Variants in ATRNL1 observed in about 807,000 individuals in gnomAD.
The protein encoded by ATRNL1 is attractin like 1, also known as attractin-like protein 1.
In ATRNL1, 95 loss-of-function variants were observed where a neutral mutation model predicts 182.7. The observed-to-expected ratio is 0.52, with a 90% CI of 0.44 to 0.62. The LOEUF is 0.62. Ranked by LOEUF, ATRNL1 falls within the 20% of genes least tolerant of loss-of-function variation. The probability of loss-of-function intolerance (pLI) is 0.00; values close to 1 mark genes in which losing one functional copy is unlikely to be tolerated. For missense variants in ATRNL1, 1,471 were observed against 1,679.5 expected, an observed-to-expected ratio of 0.88 and a Z score of 2.17; for synonymous variants, 576 against 568.3, an observed-to-expected ratio of 1.01 and a Z score of -0.19.
At chr10:115,248,688 T>A (rs1467375360) in intron 10 of ATRNL1, among the ~76,000 whole-genome samples, 6 of 151,966 alleles carry the variant, frequency 3.9e-5, no homozygotes, top group Non-Finnish European at 7.4e-5. Flanking sequence ...ATGAATGAGT[T>A]TTTTTTTAAA....
chr10:115,122,815 G>A (rs537536597), intron 3 of ATRNL1, among the ~76,000 whole-genome samples: 17 of 152,088 alleles, frequency 1.1e-4, no homozygotes, highest in Non-Finnish European at 2.1e-4. Flanking sequence ...AAAAAGGATA[G>A]CCATAAGCAG....
At position 115,908,533 on chromosome 10, in the gene ATRNL1, G is replaced by C. The variant is rs79634152; in HGVS notation, c.4019-36125G>C. On this transcript the variant is annotated intron_variant, in intron 28 of 28. Coordinates refer to ENST00000355044, the MANE Select transcript of ATRNL1 (RefSeq NM_207303.4). ...CTTATGATGACATTGGTCCCACCCAGGTTGTCCAGGATAATCTCTCCATCT... is the reference window on the plus strand; with the variant it reads ...CTTATGATGACATTGGTCCCACCCACGTTGTCCAGGATAATCTCTCCATCT... 8.0e-3 allele frequency among the ~76,000 whole-genome samples: 1,220 copies of C among 152,224 alleles called. 12 individuals carry two copies. Among genetic ancestry groups the C allele is most frequent in the African/African-American group, 0.027 (1,119 of 41,526 alleles).
chr10:115,827,292 C>A (rs185342744), intron 27 of ATRNL1, among the ~76,000 whole-genome samples: 54 of 152,356 alleles, frequency 3.5e-4, no homozygotes, highest in African/African-American at 1.3e-3. Flanking sequence ...ACAGCTCAGT[C>A]AGGCCACACC....
intron 27 of ATRNL1, among the ~76,000 whole-genome samples, chr10:115,736,685 C>T (rs1555065826): frequency 6.6e-6 from 1 of 152,142 alleles, no homozygotes; most frequent in Non-Finnish European, 1.5e-5. Flanking sequence ...TGCCAAAAAC[C>T]AAGGGCCTCT....
At chr10:115,811,926 G>A (rs1950055464) in intron 27 of ATRNL1, among the ~76,000 whole-genome samples, 1 of 152,008 alleles carries the variant, frequency 6.6e-6, no homozygotes, top group African/African-American at 2.4e-5. Flanking sequence ...AAAATCAGCT[G>A]TAAGCTCACT....
intron 8 of ATRNL1, among the ~76,000 whole-genome samples, chr10:115,174,423 A>C (rs1847415359): frequency 6.6e-6 from 1 of 151,864 alleles, no homozygotes; most frequent in Non-Finnish European, 1.5e-5. Flanking sequence ...CAATACTCTT[A>C]TTCTTTGATC....
At chr10:115,368,502 G>T (rs1554946953) in intron 19 of ATRNL1, among the ~76,000 whole-genome samples, 2 of 152,142 alleles carry the variant, frequency 1.3e-5, no homozygotes, top group Non-Finnish European at 2.9e-5. Flanking sequence ...CTCACGCTGG[G>T]AGCTGTAGAC....
intron 24 of ATRNL1, among the ~76,000 whole-genome samples, chr10:115,497,150 C>T (rs556155371): frequency 3.9e-5 from 6 of 152,278 alleles, no homozygotes; most frequent in Admixed American, 2.0e-4. Context: ...GTGGTCCATT[C>T]TACTGTGAAT....
intron 26 of ATRNL1, among the ~76,000 whole-genome samples, chr10:115,626,096 T>G (rs1858078427): frequency 6.6e-6 from 1 of 152,196 alleles, no homozygotes; most frequent in Admixed American, 6.5e-5. Context: ...TCCAAAATAT[T>G]AAACCCTTCT....
intron 26 of ATRNL1, among the ~76,000 whole-genome samples, chr10:115,693,382 A>T (rs1946453381): frequency 6.6e-6 from 1 of 152,166 alleles, no homozygotes; most frequent in South Asian, 2.1e-4. Flanking sequence ...TGAACCAGAC[A>T]AATCTATTTA....
chr10:115,374,486 T>A (rs1304308366), intron 19 of ATRNL1, among the ~76,000 whole-genome samples: 6 of 149,872 alleles, frequency 4.0e-5, no homozygotes, highest in Non-Finnish European at 6.0e-5. Flanking sequence ...CCTTCCTTCC[T>A]TCTTTCCTTC....
Position 115,286,316 on chromosome 10 carries a change from T to C in ATRNL1, c.2334T>C (p.Asn778=), listed in dbSNP as rs1592381479. The C allele has an allele frequency of 6.2e-7, 1 of 1,606,592 alleles. No individual in the cohort carries two copies. ...ACAATGCAAAACTTTATTGCTATAA[T>C]CTTAGTGGAAATCTTGCTTCATTAA... The part of the protein sequence containing the change: ...NYDNAKLYCY[N]LSGNLASLTT... The change falls in exon 15 of 29, where the codon AAT becomes AAC. Residue 778 remains asparagine (N), a synonymous_variant. Coordinates refer to ENST00000355044, the MANE Select transcript of ATRNL1 (RefSeq NM_207303.4).
chr10:115,471,530 G>A (rs1484289816), intron 24 of ATRNL1, among the ~76,000 whole-genome samples: 1 of 150,788 alleles, frequency 6.6e-6, no homozygotes, highest in Non-Finnish European at 1.5e-5. Context: ...TTTTGATAAT[G>A]GCCATCATAA....
chr10:115,932,746 G>A (rs961466820), intron 28 of ATRNL1, among the ~76,000 whole-genome samples: 44 of 152,258 alleles, frequency 2.9e-4, no homozygotes, highest in African/African-American at 1.0e-3. Context: ...AGGAACTTAA[G>A]AGAGCAGAAA....
At chr10:115,107,321 G>A (rs782247415) in intron 1 of ATRNL1, among the ~76,000 whole-genome samples, 15 of 152,178 alleles carry the variant, frequency 9.9e-5, no homozygotes, top group Non-Finnish European at 1.6e-4. Context: ...CTACATTCCC[G>A]TTCCAAAAGA....
At chr10:115,112,693 A>G (rs1189093450) in intron 1 of ATRNL1, among the ~76,000 whole-genome samples, 3 of 152,208 alleles carry the variant, frequency 2.0e-5, no homozygotes, top group African/African-American at 7.2e-5. Flanking sequence ...TGGGTAACTC[A>G]TTTTAAGAAG....
At chr10:115,865,133 A>G (rs1195131985) in intron 28 of ATRNL1, among the ~76,000 whole-genome samples, 1 of 152,206 alleles carries the variant, frequency 6.6e-6, no homozygotes, top group Non-Finnish European at 1.5e-5. Context: ...ATATACACGC[A>G]ATAAAATCCT....
chr10:115,469,474 G>T, intron 24 of ATRNL1, 145 bp downstream of exon 24: 1 of 451,832 alleles, frequency 2.2e-6, no homozygotes. Flanking sequence ...AAAGGTCTGC[G>T]AATGTCTGTG....
chr10:115,384,532 C>T (rs1858224235), intron 19 of ATRNL1, among the ~76,000 whole-genome samples: 1 of 151,978 alleles, frequency 6.6e-6, no homozygotes. Context: ...AAAATGAAAG[C>T]AGTCATGTAT....
Sources: allele counts gnomAD v4.1 joint callset (sites outside exome capture counted in the v4.1 genomes callset), GRCh38; gene constraint gnomAD v4.1.1; transcripts MANE v1.5; gene names NCBI Gene and HGNC (gene_info 2026-07-23, HGNC 2026-07-21).